TCERG1L: variants seen among roughly 807,000 people sequenced by gnomAD.
The protein encoded by TCERG1L is transcription elongation regulator 1 like.
A neutral mutation model predicts 56.3 loss-of-function variants in TCERG1L; 37 were observed. The ratio of observed to expected loss-of-function variants is 0.66; its 90% confidence interval spans 0.51 to 0.87. The LOEUF is 0.87. Among genes scored for constraint, TCERG1L ranks in the 40% least tolerant of loss-of-function variants. TCERG1L has a pLI of 0.00. For synonymous variants in TCERG1L, 324 were observed against 326.3 expected, an observed-to-expected ratio of 0.99 and a Z score of 0.08; for missense variants, 799 against 774.2, an observed-to-expected ratio of 1.03 and a Z score of -0.38.
At chr10:131,142,318 C>A (rs575593389) in intron 7 of TCERG1L, among the ~76,000 whole-genome samples, 8 of 152,320 alleles carry the variant, frequency 5.3e-5, no homozygotes, top group Admixed American at 4.6e-4. Flanking sequence ...TTTTCAGCGG[C>A]CCTGGGTCCC....
intron 3 of TCERG1L, among the ~76,000 whole-genome samples, chr10:131,291,588 G>A (rs572599396): frequency 4.0e-5 from 6 of 150,556 alleles, no homozygotes; most frequent in Non-Finnish European, 7.4e-5. Flanking sequence ...CAACACACCC[G>A]GCTAATTTTT....
At chr10:131,189,153 C>A (rs937063160) in intron 4 of TCERG1L, among the ~76,000 whole-genome samples, 1 of 152,154 alleles carries the variant, frequency 6.6e-6, no homozygotes, top group Non-Finnish European at 1.5e-5. Context: ...AAAAGAAAGT[C>A]TGCTTAGATT....
intron 3 of TCERG1L, among the ~76,000 whole-genome samples, chr10:131,307,177 T>C (rs1195698551): frequency 6.6e-6 from 1 of 152,234 alleles, no homozygotes; most frequent in African/African-American, 2.4e-5. Flanking sequence ...TTTATAAATG[T>C]GTGCATGTAC....
At chr10:131,303,016 C>G (rs1846781764) in intron 3 of TCERG1L, among the ~76,000 whole-genome samples, 1 of 151,990 alleles carries the variant, frequency 6.6e-6, no homozygotes, top group African/African-American at 2.4e-5. Flanking sequence ...TTTTCTTTAT[C>G]CAGTCTATCG....
chr10:131,093,221 T>C lies in TCERG1L; in HGVS notation c.1702A>G (p.Ile568Val), dbSNP rs753043922. 3.1e-6 allele frequency: 5 copies of C among 1,613,860 alleles called. No homozygotes were observed. The highest frequency in any genetic ancestry group is 4.2e-6 in the Non-Finnish European group (5 of 1,179,864). ...TTGTCCCGTTTCTTAAGAATAAGTATGAATTGGTTGAAAAAATGCTCCTGG... is the reference window on the plus strand; with the variant it reads ...TTGTCCCGTTTCTTAAGAATAAGTACGAATTGGTTGAAAAAATGCTCCTGG... ...KDQEHFFNQF[I>V]LILKKRDKEN... Residue 568 changes from isoleucine (I) to valine (V), a missense_variant, in exon 12 of 12, where the codon ATA becomes GTA. By Grantham distance (29) the Ile-to-Val change is conservative (BLOSUM62 3). Coordinates refer to ENST00000368642, the MANE Select transcript of TCERG1L (RefSeq NM_174937.4).
At chr10:131,263,017 T>G (rs538807859) in intron 3 of TCERG1L, among the ~76,000 whole-genome samples, 22 of 152,138 alleles carry the variant, frequency 1.4e-4, no homozygotes, top group Admixed American at 4.6e-4. Context: ...TTCTTTTTAT[T>G]GTTGAATGAT....
intron 6 of TCERG1L, among the ~76,000 whole-genome samples, chr10:131,157,557 T>G (rs1845936709): frequency 1.3e-5 from 2 of 151,762 alleles, no homozygotes; most frequent in African/African-American, 4.8e-5. Flanking sequence ...TTTAATTCCC[T>G]CAAAATTACT....
At position 131,114,135 on chromosome 10, in the gene TCERG1L, C is replaced by T. The variant is rs949021498; in HGVS notation, c.1395+2664G>A. On this transcript the variant is annotated intron_variant, in intron 9 of 11. Coordinates refer to ENST00000368642, the MANE Select transcript of TCERG1L (RefSeq NM_174937.4). ...CTGCCCTTTTTAAACTACTAAAAACCGCAGGGTCCGTCCTTCATCACTCCA... is the reference window on the plus strand; with the variant it reads ...CTGCCCTTTTTAAACTACTAAAAACTGCAGGGTCCGTCCTTCATCACTCCA... Among the ~76,000 whole-genome samples the T allele has an allele frequency of 9.1e-5, 13 of 142,168 alleles. 3 individuals carry two copies. Among genetic ancestry groups the T allele is most frequent in the Non-Finnish European group, 1.9e-4 (12 of 63,358 alleles). The allele number at this position is 142,168 out of a possible 152,430, so 93.3% of individuals were successfully genotyped here. A position where few individuals can be genotyped will look rare whatever the true frequency, so the allele number is the denominator to read the frequency against.
intron 4 of TCERG1L, among the ~76,000 whole-genome samples, chr10:131,189,110 A>G (rs968458319): frequency 4.6e-5 from 7 of 152,216 alleles, no homozygotes; most frequent in Non-Finnish European, 7.3e-5. Flanking sequence ...AGGAAAGGAC[A>G]TGTAGGTTTT....
intron 4 of TCERG1L, among the ~76,000 whole-genome samples, chr10:131,174,781 T>C (rs1374803729): frequency 6.6e-6 from 1 of 152,160 alleles, no homozygotes; most frequent in Non-Finnish European, 1.5e-5. Context: ...AACCAGAGCG[T>C]GGCTTCCTCC....
chr10:131,257,070 A>AGAAAAGAAAGAAAG (rs1846181370), intron 4 of TCERG1L, among the ~76,000 whole-genome samples: 1 of 150,924 alleles, frequency 6.6e-6, no homozygotes, highest in Non-Finnish European at 1.5e-5. Context: ...AAGAAAGAAA[A>AGAAAAGAAAGAAAG]AAAAAAAGTT....
At chr10:131,247,956 C>A (rs1355598831) in intron 4 of TCERG1L, among the ~76,000 whole-genome samples, 2 of 151,874 alleles carry the variant, frequency 1.3e-5, no homozygotes, top group Non-Finnish European at 2.9e-5. Flanking sequence ...CACATACACA[C>A]ACTAAATTCA....
chr10:131,186,538 C>T (rs942244568), intron 4 of TCERG1L, among the ~76,000 whole-genome samples: 1 of 152,096 alleles, frequency 6.6e-6, no homozygotes. Flanking sequence ...GAGTTGTATC[C>T]GTGCAAATCA....
chr10:131,167,089 T>A (rs1395718990), intron 4 of TCERG1L, among the ~76,000 whole-genome samples: 1 of 152,120 alleles, frequency 6.6e-6, no homozygotes, highest in Non-Finnish European at 1.5e-5. Flanking sequence ...CACCTGACAA[T>A]GGGTTTGCAG....
At chr10:131,244,634 C>A (rs560950129) in intron 4 of TCERG1L, among the ~76,000 whole-genome samples, 1 of 152,258 alleles carries the variant, frequency 6.6e-6, no homozygotes, top group South Asian at 2.1e-4. Flanking sequence ...GGACTTCGGT[C>A]TCAGTAACGC....
Position 131,093,052 on chromosome 10 carries a change from GGGCCGTGCAGGTCTC to G in TCERG1L, c.*95_*109del. The G allele has an allele frequency of 1.7e-6, 2 of 1,162,396 alleles. No homozygotes were observed. Among genetic ancestry groups the G allele is most frequent in the Non-Finnish European group, 2.4e-6 (2 of 824,114 alleles). The allele number at this position is 1,162,396 out of a possible 1,614,324, so 72.0% of individuals were successfully genotyped here. ...AGACCCCGCAGTGCCGGTGCCCGCT[GGGCCGTGCAGGTCTC>G]GGCCGCCCCACGCCCGTGTCCGTCT... On this transcript the variant is annotated 3_prime_UTR_variant, in exon 12 of 12. Transcript: ENST00000368642.
At chr10:131,121,139 G>C (rs1845508023) in intron 8 of TCERG1L, among the ~76,000 whole-genome samples, 1 of 152,182 alleles carries the variant, frequency 6.6e-6, no homozygotes, top group South Asian at 2.1e-4. Context: ...CTCCAAGACA[G>C]AACATGAGCA....
At chr10:131,177,910 T>C (rs989674050) in intron 4 of TCERG1L, among the ~76,000 whole-genome samples, 2 of 151,300 alleles carry the variant, frequency 1.3e-5, no homozygotes, top group Admixed American at 6.6e-5. Flanking sequence ...ACAGGAGCCG[T>C]CAGCCTCTCG....
intron 3 of TCERG1L, among the ~76,000 whole-genome samples, chr10:131,275,897 A>G (rs1391622596): frequency 6.6e-6 from 1 of 152,162 alleles, no homozygotes; most frequent in Non-Finnish European, 1.5e-5. Context: ...ACGCCTGGGC[A>G]TGACAACGTG....
Sources: gnomAD v4.1 joint callset for allele counts (sites outside exome capture counted in the v4.1 genomes callset) on GRCh38, gnomAD v4.1.1 for gene constraint, MANE v1.5 for transcripts, NCBI Gene and HGNC (gene_info 2026-07-23, HGNC 2026-07-21) for gene names.